Variants in FBN2 observed in about 807,000 individuals in gnomAD.
FBN2 encodes the protein fibrillin-2.
Under a neutral mutation model 355.6 loss-of-function variants are expected in FBN2, and 105 were observed. The ratio of observed to expected loss-of-function variants is 0.30; its 90% CI spans 0.25 to 0.35. The LOEUF (loss-of-function observed/expected upper bound fraction) is 0.35, where lower values mean the gene tolerates loss of function less well. FBN2 is among the 10% of genes least tolerant of loss of function. FBN2 has a pLI of 1.00. For synonymous variants in FBN2, 1,350 were observed against 1,301.2 expected (o/e 1.04, Z -0.81); for missense variants, 3,280 against 3,758.7 (o/e 0.87, Z 3.33).
At chr5:128,330,224 A>G (rs1256545128) in intron 33 of FBN2, among the ~76,000 whole-genome samples, 1 of 152,246 alleles carries the variant, frequency 6.6e-6, no homozygotes, top group Non-Finnish European at 1.5e-5. Flanking sequence ...ACTTACAGTT[A>G]CAGGCAAAAA....
chr5:128,378,723 C>G, intron 12 of FBN2, 48 bp downstream of exon 12: 1 of 1,607,740 alleles, frequency 6.2e-7, no homozygotes, highest in African/African-American at 1.3e-5. Flanking sequence ...CAGCCTTGGT[C>G]ACTATATTTC....
At chr5:128,279,441 A>G (rs1765478641) in intron 56 of FBN2, among the ~76,000 whole-genome samples, 2 of 152,162 alleles carry the variant, frequency 1.3e-5, no homozygotes, top group Non-Finnish European at 2.9e-5. Context: ...TACTTTTCCT[A>G]TTTCCTAAAA....
At chr5:128,298,742 A>T (rs1352424521) in intron 48 of FBN2, among the ~76,000 whole-genome samples, 2 of 151,906 alleles carry the variant, frequency 1.3e-5, no homozygotes, top group Admixed American at 1.3e-4. Flanking sequence ...ATTCATCTAA[A>T]TTTTTTTCAA....
Position 128,277,994 on chromosome 5 carries a change from A to G in FBN2, c.7357T>C (p.Cys2453Arg). 1.2e-6 allele frequency: 2 copies of G among 1,614,094 alleles called. No individual in the cohort carries two copies. The highest frequency in any genetic ancestry group is 1.1e-5 in the South Asian group (1 of 91,086). Residue 2453 changes from cysteine (C) to arginine (R), a missense_variant, in exon 58 of 65, where the codon TGT (cysteine) becomes CGT (arginine). Physicochemically the swap from Cys to Arg is radical, Grantham distance 180. Around this residue, in one of 6 missense-constraint regions of FBN2, gnomAD observed 2,284 missense variants for 2,749.5 expected, o/e 0.83. Transcript: ENST00000262464. ...GTGCAGAGGTTTGGCATTACCTTAC[A>G]TTCATCAATATCTGTGGACCAAAAC... ...YTTDGRDIDE[C>R]KVMPNLCTNG... is the part of the protein sequence containing the mutation.
rs368599072 is a variant in FBN2 at position 128,334,545 on chromosome 5, A to G, written c.4099+174T>C. On this transcript the variant is annotated intron_variant, in intron 31 of 64. Coordinates refer to ENST00000262464, the MANE Select transcript of FBN2 (RefSeq NM_001999.4). ...TGGGTGGCTCAGACAGCGTGCTACC[A>G]CAGAGACCAGCCAAATCCATCACAC... 1.3e-5 allele frequency among the ~76,000 whole-genome samples: 2 copies of G among 152,132 alleles called. 1 individual carries two copies. The highest frequency in any genetic ancestry group is 4.1e-4 in the South Asian group (2 of 4,824).
chr5:128,347,430 T>C (rs560631278), intron 23 of FBN2, among the ~76,000 whole-genome samples: 20 of 152,312 alleles, frequency 1.3e-4, no homozygotes, highest in African/African-American at 4.6e-4. Flanking sequence ...CGATTGTCCT[T>C]GCATGGAAAT....
chr5:128,307,874 G>A (rs573784714), intron 41 of FBN2, among the ~76,000 whole-genome samples: 21 of 151,982 alleles, frequency 1.4e-4, no homozygotes, highest in Non-Finnish European at 2.8e-4. Flanking sequence ...CCTGAAAACA[G>A]TATTATATAA....
At chr5:128,482,181 G>C (rs1046672832) in intron 5 of FBN2, among the ~76,000 whole-genome samples, 1 of 152,008 alleles carries the variant, frequency 6.6e-6, no homozygotes, top group African/African-American at 2.4e-5. Flanking sequence ...AGAAAATGTG[G>C]ATATTACCGG....
At chr5:128,330,126 T>C (rs753965578) in intron 33 of FBN2, among the ~76,000 whole-genome samples, 20 of 152,216 alleles carry the variant, frequency 1.3e-4, no homozygotes, top group Non-Finnish European at 2.6e-4. Flanking sequence ...AGTTTTCCCA[T>C]GCCATTCATT....
chr5:128,300,776 A>C (rs1561757388), intron 48 of FBN2, 41 bp downstream of exon 48: 2 of 1,606,626 alleles, frequency 1.2e-6, no homozygotes, highest in Non-Finnish European at 1.7e-6. Flanking sequence ...GTCTTACTAT[A>C]CTGAACTACT....
intron 5 of FBN2, among the ~76,000 whole-genome samples, chr5:128,480,055 GTATATATAATATATATATTCTC>G (rs1169273288): frequency 8.0e-4 from 85 of 105,948 alleles, no homozygotes; most frequent in Admixed American, 1.6e-3. Flanking sequence ...CATATTCTAT[GTATATATAATATATATATTCTC>G]TATATATAAT....
chr5:128,533,679 G>A (rs993905416), intron 2 of FBN2, among the ~76,000 whole-genome samples: 1 of 152,036 alleles, frequency 6.6e-6, no homozygotes, highest in African/African-American at 2.4e-5. Context: ...GTTTTCATTT[G>A]GTAGCATAAC....
At chr5:128,494,649 A>G (rs1233723472) in intron 5 of FBN2, among the ~76,000 whole-genome samples, 2 of 152,196 alleles carry the variant, frequency 1.3e-5, no homozygotes, top group Non-Finnish European at 1.5e-5. Context: ...AGTAAAAGAG[A>G]GCACTGTTAA....
At chr5:128,317,158 G>C (rs140361422) in intron 36 of FBN2, among the ~76,000 whole-genome samples, 1 of 152,170 alleles carries the variant, frequency 6.6e-6, no homozygotes, top group East Asian at 1.9e-4. Context: ...TAAAGGCTGT[G>C]ACTCCCCCAT....
intron 7 of FBN2, among the ~76,000 whole-genome samples, chr5:128,427,767 C>T (rs990804755): frequency 6.6e-6 from 1 of 152,122 alleles, no homozygotes; most frequent in African/African-American, 2.4e-5. Context: ...TACCTATAAG[C>T]CATTGGAGAG....
intron 11 of FBN2, among the ~76,000 whole-genome samples, chr5:128,381,099 T>C (rs1475165041): frequency 6.6e-6 from 1 of 152,058 alleles, no homozygotes; most frequent in Non-Finnish European, 1.5e-5. Context: ...GGCTCGAGGA[T>C]TACCTGTAGC....
At chr5:128,445,835 T>C (rs1754050523) in intron 7 of FBN2, among the ~76,000 whole-genome samples, 1 of 152,176 alleles carries the variant, frequency 6.6e-6, no homozygotes, top group Non-Finnish European at 1.5e-5. Context: ...TGATCACAGA[T>C]ATATATAACA....
chr5:128,267,927 C>T (rs1765158664), intron 62 of FBN2, among the ~76,000 whole-genome samples: 1 of 152,128 alleles, frequency 6.6e-6, no homozygotes, highest in Non-Finnish European at 1.5e-5. Flanking sequence ...TGTCAGAAAG[C>T]TAGAAAGATC....
chr5:128,310,530 C>A (rs911457503), intron 39 of FBN2, among the ~76,000 whole-genome samples: 3 of 151,530 alleles, frequency 2.0e-5, no homozygotes, highest in Admixed American at 2.0e-4. Context: ...GTTGGGAAAG[C>A]CTTTGTCTTT....
Sources: gnomAD v4.1 joint callset for allele counts (sites outside exome capture counted in the v4.1 genomes callset) on GRCh38, gnomAD v4.1.1 for gene constraint, gnomAD v4.1.1 regional missense constraint, MANE v1.5 for transcripts, NCBI Gene and HGNC (gene_info 2026-07-23, HGNC 2026-07-21) for gene names.